The following GINS1 variants were observed in gnomAD, a reference collection of about 807,000 sequenced individuals.
GINS1 encodes DNA replication complex GINS protein PSF1.
GINS1 carries 26 observed loss-of-function variants against 34.9 expected under a neutral mutation model. The observed-to-expected ratio is 0.74, with a 90% CI of 0.55 to 1.03. GINS1 has a LOEUF of 1.03. Among genes scored for constraint, GINS1 ranks in the 50% least tolerant of loss-of-function variants. The pLI is 0.00. For synonymous variants in GINS1, 97 were observed against 84.4 expected, an observed-to-expected ratio of 1.15 and a Z score of -0.82; for missense variants, 235 against 237.9, an observed-to-expected ratio of 0.99 and a Z score of 0.08.
chr20:25,432,747 G>C (rs755614883), intron 5 of GINS1, among the ~76,000 whole-genome samples: 27 of 151,758 alleles, frequency 1.8e-4, no homozygotes, highest in Admixed American at 6.6e-4. Flanking sequence ...GATTACAGGC[G>C]TGAGCCACCA....
At chr20:25,415,818 A>G (rs2090317402) in intron 2 of GINS1, among the ~76,000 whole-genome samples, 1 of 152,196 alleles carries the variant, frequency 6.6e-6, no homozygotes, top group Non-Finnish European at 1.5e-5. Context: ...GGAGAAAGAA[A>G]AATGAATAGA....
rs777656032 is a variant in GINS1 at position 25,417,193 on chromosome 20, T to A, written c.230T>A (p.Val77Glu). Reference protein sequence around the residue: ...CSLLRNRRCTVAYLYDRLLRI... With the variant: ...CSLLRNRRCTEAYLYDRLLRI... ...CTGTTAAGAAATCGACGCTGCACTGTAGCATACCTGTAAGCTTCTCAGTTT... is the reference window on the plus strand; with the variant it reads ...CTGTTAAGAAATCGACGCTGCACTGAAGCATACCTGTAAGCTTCTCAGTTT... The change falls in exon 3 of 7, where the codon GTA becomes GAA. Residue 77 changes from valine (V) to glutamate (E), a missense_variant. Physicochemically the swap from Val to Glu is moderately radical, Grantham distance 121 (BLOSUM62 -2). Transcript: ENST00000262460. The A allele has an allele frequency of 2.6e-6, 4 of 1,529,256 alleles. No individual in the cohort carries two copies. The South Asian group carries it at 4.5e-5, about 17-fold the overall frequency. The allele number at this position is 1,529,256 out of a possible 1,614,324, so 94.7% of individuals were successfully genotyped here. A position where few individuals can be genotyped will look rare whatever the true frequency, so the allele number is the denominator to read the frequency against.
intron 5 of GINS1, among the ~76,000 whole-genome samples, chr20:25,429,514 T>G (rs2090415292): frequency 6.6e-6 from 1 of 152,168 alleles, no homozygotes; most frequent in Admixed American, 6.5e-5. Flanking sequence ...TTTTTTAGTT[T>G]TCATTGTTCA....
At chr20:25,414,260 A>T (rs1004509412) in intron 2 of GINS1, among the ~76,000 whole-genome samples, 6 of 150,584 alleles carry the variant, frequency 4.0e-5, no homozygotes, top group African/African-American at 1.2e-4. Context: ...TGCGATTTTT[A>T]AAAATTATCT....
At chr20:25,413,883 C>T in intron 2 of GINS1, 29 bp downstream of exon 2, 1 of 1,283,702 alleles carries the variant, frequency 7.8e-7, no homozygotes. Context: ...TATTCTAAAA[C>T]AATTCAATAA....
At chr20:25,428,969 CTTTTTTTTTTT>C (rs77113924) in intron 5 of GINS1, among the ~76,000 whole-genome samples, 18 of 127,508 alleles carry the variant, frequency 1.4e-4, no homozygotes, top group African/African-American at 3.2e-4. Context: ...ATTCCTCTCT[CTTTTTTTTTTT>C]TTTTTTTTTT....
chr20:25,435,712 C>G (rs1354431370), intron 5 of GINS1, among the ~76,000 whole-genome samples: 7 of 146,094 alleles, frequency 4.8e-5, no homozygotes, highest in African/African-American at 1.8e-4. Context: ...TTGCAGTGAG[C>G]CGAGATCACA....
chr20:25,419,618 C>A, intron 4 of GINS1: 1 of 833,750 alleles, frequency 1.2e-6, no homozygotes, highest in South Asian at 2.1e-5. Flanking sequence ...GTTTCTCTAA[C>A]GACAGTAGCT....
chr20:25,415,415 G>A (rs1019753523), intron 2 of GINS1, among the ~76,000 whole-genome samples: 1 of 152,204 alleles, frequency 6.6e-6, no homozygotes, highest in South Asian at 2.1e-4. Flanking sequence ...GCTGGGCACA[G>A]TGTGGCCCAT....
At chr20:25,433,600 A>AT (rs140585216) in intron 5 of GINS1, among the ~76,000 whole-genome samples, 2,270 of 152,210 alleles carry the variant, frequency 0.015, 50 homozygotes, top group African/African-American at 0.046. Context: ...GTTTAAAAAA[A>AT]TTTTTGATTT....
chr20:25,448,181 A>C lies in GINS1; in HGVS notation c.*2190A>C, dbSNP rs937646054. The C allele has an allele frequency of 5.3e-5, 8 of 151,928 alleles. No individual in the cohort carries two copies. The highest frequency in any genetic ancestry group is 4.4e-5 in the Non-Finnish European group (3 of 68,020). 9.4% of individuals were successfully genotyped at this position (151,928 alleles called of 1,614,324 possible). A position where few individuals can be genotyped will look rare whatever the true frequency, so the allele number is the denominator to read the frequency against. The stretch of plus-strand genomic sequence containing the variant: ...AATTTCTACAACAACAACAACAAAA[A>C]CCCCTGTTGGGCACCTTGATTGAGA... On this transcript the variant is annotated 3_prime_UTR_variant, in exon 7 of 7. Transcript: ENST00000262460.
intron 2 of GINS1, among the ~76,000 whole-genome samples, chr20:25,414,189 C>CAAAAAA (rs58400500): frequency 1.3e-4 from 9 of 67,650 alleles, no homozygotes; most frequent in African/African-American, 5.0e-4. Context: ...ACTCTGTCTC[C>CAAAAAA]AAAAAAAAAA....
In GINS1 at chr20:25,446,175, G is replaced by GTA. The variant is rs2090511440; in HGVS notation, c.*185_*186dup. 1 of 457,670 alleles carries GTA rather than the reference G, an allele frequency of 2.2e-6. No individual in the cohort carries two copies. The highest frequency in any genetic ancestry group is 2.0e-5 in the African/African-American group (1 of 49,998). The allele number at this position is 457,670 out of a possible 1,614,324, so 28.4% of individuals were successfully genotyped here. The stretch of plus-strand genomic sequence containing the variant: ...TTAAGGACTTTCTTTTTTTAATGTT[G>GTA]TACACTATTCTTCCTACTCTTTTTT... On this transcript the variant is annotated 3_prime_UTR_variant, in exon 7 of 7. Transcript: ENST00000262460.
intron 4 of GINS1, chr20:25,420,985 C>T (rs1484665916): frequency 1.0e-6 from 1 of 982,912 alleles, no homozygotes; most frequent in Non-Finnish European, 1.2e-6. Flanking sequence ...AAGAATATTT[C>T]CAGGTATCCC....
At chr20:25,437,251 GAGA>G (rs1222817154) in intron 5 of GINS1, among the ~76,000 whole-genome samples, 1 of 152,246 alleles carries the variant, frequency 6.6e-6, no homozygotes, top group Non-Finnish European at 1.5e-5. Context: ...TGCAGCCTTT[GAGA>G]AGGTGTGACA....
chr20:25,437,584 T>G (rs1163546559), intron 5 of GINS1, among the ~76,000 whole-genome samples: 1 of 152,234 alleles, frequency 6.6e-6, no homozygotes, highest in African/African-American at 2.4e-5. Context: ...GGCAGACAGA[T>G]TCCTGATGTT....
At chr20:25,431,664 G>C (rs374691002) in intron 5 of GINS1, among the ~76,000 whole-genome samples, 61 of 150,784 alleles carry the variant, frequency 4.0e-4, no homozygotes, top group African/African-American at 1.4e-3. Flanking sequence ...TCCGCCTCCA[G>C]GGTTCAAGTG....
chr20:25,443,681 C>T (rs1197630988), intron 6 of GINS1, among the ~76,000 whole-genome samples: 1 of 151,684 alleles, frequency 6.6e-6, no homozygotes, highest in Non-Finnish European at 1.5e-5. Context: ...GGCGTTTCAC[C>T]ATGTTGGCCA....
At chr20:25,438,119 CAAAA>C (rs34107871) in intron 5 of GINS1, among the ~76,000 whole-genome samples, 6 of 98,276 alleles carry the variant, frequency 6.1e-5, no homozygotes, top group African/African-American at 8.0e-5. Flanking sequence ...AACTCCGTCT[CAAAA>C]AAAAAAAAAA....
Sources: allele counts gnomAD v4.1 joint callset (sites outside exome capture counted in the v4.1 genomes callset), GRCh38; gene constraint gnomAD v4.1.1; transcripts MANE v1.5; gene names NCBI Gene and HGNC (gene_info 2026-07-23, HGNC 2026-07-21).